The following PAGE2B variants were observed in gnomAD, a reference collection of about 807,000 sequenced individuals.
PAGE2B encodes the protein PAGE family member 2B, also known as putative G antigen family E member 3.
A neutral mutation model predicts 7.6 loss-of-function variants in PAGE2B; 5 were observed. That is an observed-to-expected ratio of 0.66 (90% CI 0.34 to 1.38). PAGE2B has a LOEUF of 1.38. PAGE2B is among the 40% of genes most tolerant of loss of function. The pLI, the probability that PAGE2B is intolerant of heterozygous loss-of-function variation, is 0.04. For missense variants in PAGE2B, 70 were observed against 78.4 expected (o/e 0.89, Z 0.41); for synonymous variants, 29 against 26.7 (o/e 1.09, Z -0.27).
At chrX:55,044,721 T>C in the PAGE2B span, 1 of 112,191 alleles carries the variant, frequency 8.9e-6, no homozygotes, top group African/African-American at 3.2e-5. Context: ...ATAGTCATAG[T>C]ATCTACTACA....
At chrX:55,073,987 G>A (rs1243857373), upstream of PAGE2B, among the ~76,000 whole-genome samples, 1 of 111,470 alleles carries the variant, frequency 9.0e-6, no homozygotes, top group Non-Finnish European at 1.9e-5. Flanking sequence ...CAGATTGTTT[G>A]ACTTGTGTGA....
intron 1 of PAGE2B, among the ~76,000 whole-genome samples, chrX:55,075,358 G>A (rs746828168): frequency 2.7e-5 from 3 of 111,395 alleles, no homozygotes; most frequent in Admixed American, 1.9e-4. Context: ...AAGATGGGGC[G>A]AGTGCTGGGG....
At chrX:55,052,615 G>A in the PAGE2B span, among the ~76,000 whole-genome samples, 48 of 112,792 alleles carry the variant, frequency 4.3e-4, 1 homozygote, top group Non-Finnish European at 6.9e-4. Flanking sequence ...ACTCAGGTGC[G>A]GGATATAATC....
At chrX:55,041,317 G>A in the PAGE2B span, among the ~76,000 whole-genome samples, 6 of 110,056 alleles carry the variant, frequency 5.5e-5, no homozygotes, top group Non-Finnish European at 9.5e-5. Flanking sequence ...TCCTGACCTC[G>A]TGATCCGCCC....
chrX:55,050,933 G>A, the PAGE2B span, among the ~76,000 whole-genome samples: 1 of 111,678 alleles, frequency 9.0e-6, no homozygotes, highest in Non-Finnish European at 1.9e-5. Flanking sequence ...GCATGTTTTT[G>A]CATTGGCTGG....
the PAGE2B span, among the ~76,000 whole-genome samples, chrX:55,036,109 A>G: frequency 2.7e-5 from 3 of 111,678 alleles, no homozygotes; most frequent in African/African-American, 9.8e-5. Context: ...TTTGTCTGTT[A>G]TTTGTGTATA....
chrX:55,051,173 G>A, the PAGE2B span, among the ~76,000 whole-genome samples: 2 of 111,945 alleles, frequency 1.8e-5, no homozygotes, highest in East Asian at 2.8e-4. Context: ...TCTGCTGAGA[G>A]ATCCACAGTT....
the PAGE2B span, among the ~76,000 whole-genome samples, chrX:55,039,644 A>AT: frequency 9.0e-6 from 1 of 111,617 alleles, no homozygotes; most frequent in East Asian, 2.8e-4. Flanking sequence ...TTATTGTTAC[A>AT]TGCTACTGTT....
Position 55,076,136 on chromosome X carries a change from T to C in PAGE2B, c.84+11T>C, listed in dbSNP as rs1161003704. 1.8e-5 allele frequency: 21 copies of C among 1,194,005 alleles called. No homozygotes were observed. The highest frequency in any genetic ancestry group is 2.3e-5 in the Non-Finnish European group (20 of 882,510). On this transcript the variant is annotated intron_variant, in intron 2 of 4. Coordinates refer to ENST00000374971, the MANE Select transcript of PAGE2B (RefSeq NM_001015038.3). ...GTTGGATCTGTGATTGTGAGTCCTT[T>C]AACATTTGATGTTTCCTATTAACAC...
upstream of PAGE2B, among the ~76,000 whole-genome samples, chrX:55,072,213 C>T (rs1936456751): frequency 8.9e-6 from 1 of 112,317 alleles, no homozygotes; most frequent in Non-Finnish European, 1.9e-5. Flanking sequence ...ATGGATTTAT[C>T]TACCTTTGAT....
chrX:55,068,645 C>T, the PAGE2B span, among the ~76,000 whole-genome samples: 7 of 111,869 alleles, frequency 6.3e-5, no homozygotes, highest in South Asian at 7.5e-4. Flanking sequence ...GCCATTTTGA[C>T]AATATTGATT....
At chrX:55,068,294 G>A in the PAGE2B span, among the ~76,000 whole-genome samples, 152 of 112,104 alleles carry the variant, frequency 1.4e-3, 1 homozygote, top group African/African-American at 4.8e-3. Flanking sequence ...ATTAAATAGG[G>A]AATCCTTTCC....
chrX:55,054,140 C>T, the PAGE2B span, among the ~76,000 whole-genome samples: 162 of 110,316 alleles, frequency 1.5e-3, 1 homozygote, highest in African/African-American at 5.1e-3. Flanking sequence ...ACCTGGGAGG[C>T]GGAGGTTGCA....
chrX:55,067,676 TA>T, the PAGE2B span, among the ~76,000 whole-genome samples: 1 of 112,044 alleles, frequency 8.9e-6, no homozygotes, highest in East Asian at 2.8e-4. Flanking sequence ...ACCAACAGTG[TA>T]AAAGCATTCC....
At chrX:55,033,285 C>A in the PAGE2B span, among the ~76,000 whole-genome samples, 1 of 111,552 alleles carries the variant, frequency 9.0e-6, no homozygotes, top group Non-Finnish European at 1.9e-5. Flanking sequence ...CTCGAAGTGC[C>A]CTAATGGAGG....
the PAGE2B span, among the ~76,000 whole-genome samples, chrX:55,057,465 C>T: frequency 9.0e-6 from 1 of 111,551 alleles, no homozygotes; most frequent in Non-Finnish European, 1.9e-5. Context: ...GAGAATCAGT[C>T]TATGGAATGG....
chrX:55,038,855 C>T, the PAGE2B span, among the ~76,000 whole-genome samples: 5 of 111,410 alleles, frequency 4.5e-5, no homozygotes, highest in Admixed American at 1.9e-4. Context: ...GTAGCACTGA[C>T]GTCAAATAAA....
the PAGE2B span, among the ~76,000 whole-genome samples, chrX:55,041,545 T>C: frequency 3.0e-4 from 34 of 112,093 alleles, no homozygotes; most frequent in Middle Eastern, 9.3e-3. Context: ...CTAGCTGAGG[T>C]TTTATTTTGG....
At chrX:55,031,500 C>T in the PAGE2B span, among the ~76,000 whole-genome samples, 1 of 112,072 alleles carries the variant, frequency 8.9e-6, no homozygotes, top group Non-Finnish European at 1.9e-5. Flanking sequence ...TGAGTGCTTA[C>T]AATGCACCAG....
Sources: allele counts gnomAD v4.1 joint callset (sites outside exome capture counted in the v4.1 genomes callset), GRCh38; gene constraint gnomAD v4.1.1; transcripts MANE v1.5; gene names NCBI Gene and HGNC (gene_info 2026-07-23, HGNC 2026-07-21).